The following WDR48 variants were observed in gnomAD, a reference collection of about 807,000 sequenced individuals.
WDR48 encodes WD repeat-containing protein 48.
WDR48 carries 22 observed loss-of-function variants against 94.0 expected under a neutral mutation model. That is an observed-to-expected ratio of 0.23 (90% CI 0.17 to 0.33). The LOEUF (loss-of-function observed/expected upper bound fraction) is 0.33, where lower values mean the gene tolerates loss of function less well. WDR48 is among the 10% of genes least tolerant of loss of function. The pLI, the probability that WDR48 is intolerant of heterozygous loss-of-function variation, is 1.00. For missense variants in WDR48, 541 were observed against 813.8 expected, an observed-to-expected ratio of 0.66 and a Z score of 4.08; for synonymous variants, 278 against 280.5, an observed-to-expected ratio of 0.99 and a Z score of 0.09.
chr3:39,071,983 T>C (rs2033963225), intron 7 of WDR48, among the ~76,000 whole-genome samples: 1 of 152,106 alleles, frequency 6.6e-6, no homozygotes, highest in South Asian at 2.1e-4. Context: ...ATGGAAGAGG[T>C]GGTTATCAGT....
chr3:39,094,790 G>T lies in WDR48; in HGVS notation c.*47G>T, dbSNP rs2035259772. 6.2e-7 allele frequency: 1 copy of T among 1,609,388 alleles called. No homozygotes were observed. The highest frequency in any genetic ancestry group is 1.3e-5 in the African/African-American group (1 of 74,738). On this transcript the variant is annotated 3_prime_UTR_variant, in exon 19 of 19. Transcript: ENST00000302313. ...ATATTCATTTACGACCTTCCTCTAT[G>T]GCCCCAAGAGTAGTCCTAGGAAGCC... is the stretch of plus-strand genomic sequence containing the variant.
intron 2 of WDR48, among the ~76,000 whole-genome samples, chr3:39,064,584 T>A (rs1677561528): frequency 6.6e-6 from 1 of 152,212 alleles, no homozygotes; most frequent in South Asian, 2.1e-4. Flanking sequence ...CAGATCCATT[T>A]TCATAGATGA....
rs1412349767 is a variant in WDR48, at chr3:39,089,226, T to A, written c.1581-5T>A. 8.1e-6 allele frequency: 13 copies of A among 1,611,318 alleles called. No homozygotes were observed. In the Admixed American group the frequency reaches 1.2e-4, roughly 15 times the overall value. The stretch of plus-strand genomic sequence containing the variant: ...GTTACTTACTACTTGATGGTTTATG[T>A]TTAGGCTGCTCTGCCGAGATTCCGG... On this transcript the variant is annotated splice_region_variant and splice_polypyrimidine_tract_variant and intron_variant, in intron 15 of 18. Transcript: ENST00000302313.
At chr3:39,065,675 T>G in intron 2 of WDR48, 136 bp from the exon 3 acceptor site, 1 of 513,002 alleles carries the variant, frequency 1.9e-6, no homozygotes, top group Non-Finnish European at 3.3e-6. Context: ...TTGGTGAGAT[T>G]CTACTCAGAA....
At chr3:39,060,017 A>G (rs1187950442) in intron 1 of WDR48, among the ~76,000 whole-genome samples, 1 of 152,122 alleles carries the variant, frequency 6.6e-6, no homozygotes, top group African/African-American at 2.4e-5. Context: ...TATTTATTTC[A>G]TTATTCTCTT....
intron 13 of WDR48, among the ~76,000 whole-genome samples, chr3:39,085,143 C>T (rs545351018): frequency 3.9e-5 from 6 of 151,994 alleles, no homozygotes; most frequent in East Asian, 3.9e-4. Context: ...AGGAGAATGG[C>T]GTGAACCCGG....
At position 39,074,731 on chromosome 3, in the gene WDR48, G is replaced by A; in HGVS notation, c.678G>A (p.Leu226=). 1 of 1,614,060 alleles carries A rather than the reference G, an allele frequency of 6.2e-7. No individual in the cohort carries two copies. Among genetic ancestry groups the A allele is most frequent in the South Asian group, 1.1e-5 (1 of 91,070 alleles). Reference sequence around the variant, plus strand: ...TTGCCTTTCTTTGTTTGCAGTGCCTGTCAGGCAGTTCTGATGGGACAATTC... The same window carrying A: ...TTGCCTTTCTTTGTTTGCAGTGCCTATCAGGCAGTTCTGATGGGACAATTC... ...LLLNRDGTQC[L]SGSSDGTIRL... The change falls in exon 8 of 19, where the codon CTG becomes CTA. Residue 226 remains leucine, a synonymous_variant. Transcript: ENST00000302313.
Position 39,074,979 on chromosome 3 carries a change from A to T in WDR48, c.897+29A>T, listed in dbSNP as rs1257502967. On this transcript the variant is annotated intron_variant, in intron 8 of 18. Transcript: ENST00000302313. ...TGTCATATGTTAATATTTTAGTTTT[A>T]TAATTAAGGTTGTTACATGTGTTAG... 15 of 1,603,640 alleles carry T rather than the reference A, an allele frequency of 9.4e-6. No homozygotes were observed. The African/African-American group carries it at 1.6e-4, about 17-fold the overall frequency.
chr3:39,060,613 A>G lies in WDR48; in HGVS notation c.49-2437A>G, dbSNP rs963640870. Among the ~76,000 whole-genome samples the G allele has an allele frequency of 5.3e-4, 80 of 152,348 alleles. 1 individual carries two copies. Among genetic ancestry groups the G allele is most frequent in the African/African-American group, 1.9e-3 (79 of 41,568 alleles). On this transcript the variant is annotated intron_variant, in intron 1 of 18. Coordinates refer to ENST00000302313, the MANE Select transcript of WDR48 (RefSeq NM_020839.4). Reference sequence around the variant, plus strand: ...GCTCTTTTCCTTCGTAAAGATTACCATCTTTCTTGGCATGTTGGAAGAGTT... The same window carrying G: ...GCTCTTTTCCTTCGTAAAGATTACCGTCTTTCTTGGCATGTTGGAAGAGTT...
Position 39,093,937 on chromosome 3 carries a change from A to G in WDR48, c.1809A>G (p.Lys603=). Residue 603 remains lysine (K), a synonymous_variant, in exon 18 of 19, where the codon AAA becomes AAG. Transcript: ENST00000302313. ...VRKVMEHVYE[K]IINLDNESQT... is the part of the protein sequence containing the mutation. ...AAGTTATGGAACATGTTTATGAAAA[A>G]ATTATCAACTTGGATAATGAGTCTC... 6.2e-7 allele frequency: 1 copy of G among 1,613,836 alleles called. No homozygotes were observed. Among genetic ancestry groups the G allele is most frequent in the Non-Finnish European group, 8.5e-7 (1 of 1,179,928 alleles).
At chr3:39,060,208 T>C (rs566545751) in intron 1 of WDR48, among the ~76,000 whole-genome samples, 81 of 152,296 alleles carry the variant, frequency 5.3e-4, no homozygotes, top group African/African-American at 1.7e-3. Flanking sequence ...CTATGTTCAT[T>C]AGCAATTACT....
Position 39,068,765 on chromosome 3 carries a change from C to A in WDR48, c.482-6C>A. ...GTTAACATTTAGCTCCGTTTATCCT[C>A]AATAGCTTCTTCTTTAAGTGGAAAC... is the stretch of plus-strand genomic sequence containing the variant. On this transcript the variant is annotated splice_region_variant and splice_polypyrimidine_tract_variant and intron_variant, in intron 5 of 18. Transcript: ENST00000302313. 6.2e-7 allele frequency: 1 copy of A among 1,600,402 alleles called. No homozygotes were observed. Among genetic ancestry groups the A allele is most frequent in the Non-Finnish European group, 8.5e-7 (1 of 1,170,684 alleles).
intron 18 of WDR48, chr3:39,094,398 C>A: frequency 6.7e-7 from 1 of 1,487,774 alleles, no homozygotes. Context: ...AATCAAGATG[C>A]ACTCAAAACG....
intron 13 of WDR48, 142 bp downstream of exon 13, chr3:39,084,883 T>TAA (rs1417702672): frequency 1.7e-5 from 10 of 601,310 alleles, no homozygotes; most frequent in Middle Eastern, 5.5e-4. Flanking sequence ...TACAAATACC[T>TAA]AATGTATACA....
chr3:39,066,514 A>T, intron 3 of WDR48, 34 bp from the exon 4 acceptor site: 1 of 1,577,506 alleles, frequency 6.3e-7, no homozygotes, highest in African/African-American at 1.3e-5. Context: ...AAGTCATACT[A>T]CTAAGGAGTT....
intron 14 of WDR48, among the ~76,000 whole-genome samples, chr3:39,087,034 A>G (rs1339442061): frequency 1.3e-5 from 2 of 152,164 alleles, no homozygotes; most frequent in African/African-American, 4.8e-5. Context: ...ACACATGGGT[A>G]TGGTCCCTGT....
intron 17 of WDR48, among the ~76,000 whole-genome samples, chr3:39,093,458 A>C (rs1259576563): frequency 1.3e-5 from 2 of 152,162 alleles, no homozygotes; most frequent in Admixed American, 1.3e-4. Context: ...CTGCATCCTG[A>C]GTAGCTGGAA....
At position 39,094,983 on chromosome 3, in the gene WDR48, CTA is replaced by C. The variant is rs907389083; in HGVS notation, c.*242_*243del. The C allele has an allele frequency of 7.2e-6, 4 of 552,166 alleles. No homozygotes were observed. The highest frequency in any genetic ancestry group is 4.8e-4 in the Middle Eastern group (1 of 2,100). 34.2% of individuals were successfully genotyped at this position (552,166 alleles called of 1,614,324 possible). A position where few individuals can be genotyped will look rare whatever the true frequency, so the allele number is the denominator to read the frequency against. ...CAAGAGCAGAAGAGCCCCAAGCAGA[CTA>C]TGTCTTTCAAGATGTACAGAAGACT... On this transcript the variant is annotated 3_prime_UTR_variant, in exon 19 of 19. Transcript: ENST00000302313.
chr3:39,069,754 T>C lies in WDR48; in HGVS notation c.672+10T>C. The C allele has an allele frequency of 6.2e-7, 1 of 1,608,756 alleles. No homozygotes were observed. Among genetic ancestry groups the C allele is most frequent in the East Asian group, 2.2e-5 (1 of 44,826 alleles). ...CAGAGATGGCACGCAAGTATGCAGT[T>C]TCATTTGGGTGTTTACCTAATAACC... On this transcript the variant is annotated intron_variant, in intron 7 of 18. Transcript: ENST00000302313.
Sources: gnomAD v4.1 joint callset for allele counts (sites outside exome capture counted in the v4.1 genomes callset) on GRCh38, gnomAD v4.1.1 for gene constraint, MANE v1.5 for transcripts, NCBI Gene and HGNC (gene_info 2026-07-23, HGNC 2026-07-21) for gene names.